The following CMSS1 variants were observed in gnomAD, a reference collection of about 807,000 sequenced individuals.
CMSS1 encodes cms1 ribosomal small subunit homolog.
Under a neutral mutation model 43.5 loss-of-function variants are expected in CMSS1, and 33 were observed. That is an observed-to-expected ratio of 0.76 (90% confidence interval 0.57 to 1.01). The LOEUF is 1.01. Among genes scored for constraint, CMSS1 ranks in the 50% least tolerant of loss-of-function variants. The probability of loss-of-function intolerance (pLI) is 0.00; values close to 1 mark genes in which losing one functional copy is unlikely to be tolerated. For missense variants in CMSS1, 313 were observed against 326.4 expected (o/e 0.96, Z 0.32); for synonymous variants, 115 against 117.2 (o/e 0.98, Z 0.12).
intron 1 of CMSS1, among the ~76,000 whole-genome samples, chr3:99,995,904 A>C (rs1295205121): frequency 6.6e-6 from 1 of 152,194 alleles, no homozygotes; most frequent in African/African-American, 2.4e-5. Context: ...ATTTTCTCGT[A>C]GGCCTCTGGG....
At chr3:99,878,189 T>G (rs1200760178) in intron 1 of CMSS1, among the ~76,000 whole-genome samples, 1 of 152,226 alleles carries the variant, frequency 6.6e-6, no homozygotes, top group Admixed American at 6.5e-5. Flanking sequence ...GACTCAGCTT[T>G]CCAAGTGAGG....
In CMSS1 at chr3:100,074,675, A is replaced by ATTTTTTTTTTTTTTTTTTT. The variant is rs555819875; in HGVS notation, c.65-72280_65-72262dup. Among the ~76,000 whole-genome samples the ATTTTTTTTTTTTTTTTTTT allele has an allele frequency of 3.2e-3, 110 of 34,798 alleles. 41 individuals are homozygous for ATTTTTTTTTTTTTTTTTTT. The highest frequency in any genetic ancestry group is 4.3e-3 in the East Asian group (4 of 940). The allele number at this position is 34,798 out of a possible 152,430, so 22.8% of individuals were successfully genotyped here. The stretch of plus-strand genomic sequence containing the variant: ...ATTTTCTATGCATGTGCAACATTTG[A>ATTTTTTTTTTTTTTTTTTT]TTTTTTTTTTTTTTTTTTTTTTTTT... On this transcript the variant is annotated intron_variant, in intron 1 of 9. Coordinates refer to ENST00000421999, the MANE Select transcript of CMSS1 (RefSeq NM_032359.4).
rs781769869 is a variant in CMSS1, at chr3:100,119,189, CAG to C, written c.65-27782_65-27781del. Among the ~76,000 whole-genome samples, 163 of 152,166 alleles carry C rather than the reference CAG, an allele frequency of 1.1e-3. 3 individuals carry two copies. The highest frequency in any genetic ancestry group is 0.01 in the Middle Eastern group (3 of 294). On this transcript the variant is annotated intron_variant, in intron 1 of 9. Transcript: ENST00000421999. ...ACTGCACATGTCTGCAAGGTGTTGA[CAG>C]ATATATATTGCTAATTCTAGAAAAT...
intron 1 of CMSS1, among the ~76,000 whole-genome samples, chr3:100,062,390 T>C (rs6794130): frequency 0.012 from 1,839 of 152,142 alleles, 24 homozygotes; most frequent in African/African-American, 0.027. Flanking sequence ...GGATTACAGG[T>C]GTGAGCCACC....
chr3:99,906,219 A>G (rs1226678787), intron 1 of CMSS1, among the ~76,000 whole-genome samples: 1 of 152,162 alleles, frequency 6.6e-6, no homozygotes, highest in African/African-American at 2.4e-5. Context: ...AATAAATATT[A>G]GCCTTTCTGG....
chr3:100,059,191 A>G (rs1559742960), intron 1 of CMSS1, among the ~76,000 whole-genome samples: 1 of 152,238 alleles, frequency 6.6e-6, no homozygotes, highest in Non-Finnish European at 1.5e-5. Context: ...GAGCTTTGTT[A>G]GATACTCTAG....
chr3:99,843,050 A>G (rs1049254473), intron 1 of CMSS1, among the ~76,000 whole-genome samples: 3 of 152,220 alleles, frequency 2.0e-5, no homozygotes, highest in African/African-American at 4.8e-5. Flanking sequence ...TTTAAGTAAA[A>G]TGAATTTAAA....
chr3:100,169,274 A>G (rs1481853471), intron 6 of CMSS1, among the ~76,000 whole-genome samples: 1 of 152,212 alleles, frequency 6.6e-6, no homozygotes, highest in East Asian at 1.9e-4. Flanking sequence ...TTCATTTACT[A>G]TTGTTTTTGT....
At position 100,178,332 on chromosome 3, in the gene CMSS1, G is replaced by A; in HGVS notation, c.784G>A (p.Glu262Lys). 6.2e-7 allele frequency: 1 copy of A among 1,613,166 alleles called. No individual in the cohort carries two copies. The highest frequency in any genetic ancestry group is 1.1e-5 in the South Asian group (1 of 91,018). Residue 262 changes from glutamate to lysine, a missense_variant, in exon 10 of 10, where the codon GAA becomes AAA. By Grantham distance (56) the Glu-to-Lys change is moderately conservative. Transcript: ENST00000421999. ...EIRKEVFELL[E>K]MGVLSLCKSE... is the part of the protein sequence containing the mutation. ...AAGAAAGGAGGTATTCGAACTTCTG[G>A]AAATGGGAGTGCTCAGTCTGTGCAA... is the stretch of plus-strand genomic sequence containing the variant.
intron 1 of CMSS1, among the ~76,000 whole-genome samples, chr3:99,927,372 G>GTT (rs202105318): frequency 1.3e-4 from 19 of 141,444 alleles, no homozygotes; most frequent in South Asian, 2.3e-4. Context: ...TTTTCTTTCT[G>GTT]TTTTTTTTTT....
chr3:100,081,629 G>A (rs747022082), intron 1 of CMSS1, among the ~76,000 whole-genome samples: 8 of 152,322 alleles, frequency 5.3e-5, no homozygotes, highest in East Asian at 1.9e-4. Context: ...TGCCAGTATA[G>A]TGTGATTTTA....
intron 1 of CMSS1, among the ~76,000 whole-genome samples, chr3:99,820,201 T>C (rs1942408133): frequency 1.4e-5 from 2 of 143,806 alleles, no homozygotes; most frequent in Non-Finnish European, 3.1e-5. Flanking sequence ...AGACTAACCC[T>C]TTTTTTTTTT....
rs79652547 is a variant in CMSS1 at position 100,090,682 on chromosome 3, A to G, written c.65-56291A>G. ...CCTTTGACCCTGAGTCACTCCTATC[A>G]TGAAATAAGGCTGTATTTAATTAGG... On this transcript the variant is annotated intron_variant, in intron 1 of 9. Transcript: ENST00000421999. Among the ~76,000 whole-genome samples, 417 of 152,224 alleles carry G rather than the reference A, an allele frequency of 2.7e-3. 2 individuals carry two copies. Among genetic ancestry groups the G allele is most frequent in the African/African-American group, 9.6e-3 (397 of 41,538 alleles).
At chr3:100,127,542 T>C (rs1185663152) in intron 1 of CMSS1, among the ~76,000 whole-genome samples, 1 of 152,224 alleles carries the variant, frequency 6.6e-6, no homozygotes, top group African/African-American at 2.4e-5. Flanking sequence ...CAGTATCATC[T>C]AGGAGATTTG....
At chr3:99,924,550 C>G (rs1559690106) in intron 1 of CMSS1, 1 of 819,840 alleles carries the variant, frequency 1.2e-6, no homozygotes, top group Non-Finnish European at 1.9e-6. Flanking sequence ...ACAGTTTTCG[C>G]TGTCGTTGCC....
chr3:99,953,226 G>T (rs78584042), intron 1 of CMSS1, among the ~76,000 whole-genome samples: 1 of 151,880 alleles, frequency 6.6e-6, no homozygotes, highest in South Asian at 2.1e-4. Flanking sequence ...ATTTATATTG[G>T]TTAAGTTATT....
intron 1 of CMSS1, among the ~76,000 whole-genome samples, chr3:99,990,654 A>G (rs1476143161): frequency 2.0e-5 from 3 of 151,992 alleles, no homozygotes; most frequent in Non-Finnish European, 4.4e-5. Flanking sequence ...ATGTCCTGGC[A>G]TCAGTATCAT....
At position 100,023,553 on chromosome 3, in the gene CMSS1, G is replaced by A. The variant is rs1158165298; in HGVS notation, c.65-123420G>A. 4 of 152,542 alleles carry A rather than the reference G, an allele frequency of 2.6e-5. No individual in the cohort carries two copies. The East Asian group carries it at 7.7e-4, about 29-fold the overall frequency. The allele number at this position is 152,542 out of a possible 1,614,324, so 9.4% of individuals were successfully genotyped here. A position where few individuals can be genotyped will look rare whatever the true frequency, so the allele number is the denominator to read the frequency against. On this transcript the variant is annotated intron_variant, in intron 1 of 9. Transcript: ENST00000421999. ...TGGTATGAGACTAAAACAGTTTCTT[G>A]GGGGGAGAGAACATTTTTGTAAACA... is the stretch of plus-strand genomic sequence containing the variant.
chr3:99,974,650 T>C (rs1221969706), intron 1 of CMSS1, among the ~76,000 whole-genome samples: 5 of 152,146 alleles, frequency 3.3e-5, no homozygotes, highest in African/African-American at 1.2e-4. Context: ...GAGGTTGTGA[T>C]GAGCCAAGGT....
Sources: gnomAD v4.1 joint callset for allele counts (sites outside exome capture counted in the v4.1 genomes callset) on GRCh38, gnomAD v4.1.1 for gene constraint, MANE v1.5 for transcripts, NCBI Gene and HGNC (gene_info 2026-07-23, HGNC 2026-07-21) for gene names.